The following FHIT variants were observed in gnomAD, a reference collection of about 807,000 sequenced individuals.
The protein encoded by FHIT is bis(5'-adenosyl)-triphosphatase.
FHIT carries 19 observed loss-of-function variants against 17.9 expected under a neutral mutation model. The ratio of observed to expected loss-of-function variants is 1.06; its 90% CI spans 0.74 to 1.56. The LOEUF is 1.56. Among genes scored for constraint, FHIT ranks in the 40% most tolerant of loss-of-function variants. The pLI is 0.00. For synonymous variants in FHIT, 81 were observed against 69.7 expected, an observed-to-expected ratio of 1.16 and a Z score of -0.81; for missense variants, 248 against 189.2, an observed-to-expected ratio of 1.31 and a Z score of -1.82.
At chr3:61,183,511 C>G (rs2038408299) in intron 2 of FHIT, among the ~76,000 whole-genome samples, 1 of 152,212 alleles carries the variant, frequency 6.6e-6, no homozygotes, top group Non-Finnish European at 1.5e-5. Context: ...GCTGCACTCT[C>G]TCTCTTAAAA....
chr3:60,732,684 CTTTTTTTT>C (rs3038041), intron 4 of FHIT: 12 of 178,506 alleles, frequency 6.7e-5, no homozygotes, highest in East Asian at 1.4e-4. Flanking sequence ...GCAAAGACTG[CTTTTTTTT>C]TTTTTTTTTT....
intron 5 of FHIT, among the ~76,000 whole-genome samples, chr3:60,207,974 T>C (rs1327953947): frequency 6.6e-6 from 1 of 152,184 alleles, no homozygotes; most frequent in Non-Finnish European, 1.5e-5. Context: ...AAGAGCAAAC[T>C]GCATGAGACA....
At chr3:60,410,463 T>C (rs932744482) in intron 5 of FHIT, among the ~76,000 whole-genome samples, 4 of 152,238 alleles carry the variant, frequency 2.6e-5, no homozygotes, top group Non-Finnish European at 5.9e-5. Flanking sequence ...CAAGGTTTTA[T>C]CGTGGATAAA....
In FHIT at chr3:60,354,927, G is replaced by A. The variant is rs75600213; in HGVS notation, c.103+181933C>T. The stretch of plus-strand genomic sequence containing the variant: ...ATGGACCTTTTCACTCCGGGAGTCT[G>A]TGACTACTTATCCTTAAACATTTCC... On this transcript the variant is annotated intron_variant, in intron 5 of 9. Coordinates refer to ENST00000492590, the MANE Select transcript of FHIT (RefSeq NM_002012.4). Among the ~76,000 whole-genome samples, 187 of 152,260 alleles carry A rather than the reference G, an allele frequency of 1.2e-3. 1 individual carries two copies. Among genetic ancestry groups the A allele is most frequent in the African/African-American group, 4.4e-3 (182 of 41,568 alleles).
chr3:59,907,915 AGGCCATTGATG>A (rs1704662082), intron 8 of FHIT, among the ~76,000 whole-genome samples: 1 of 152,166 alleles, frequency 6.6e-6, no homozygotes, highest in East Asian at 1.9e-4. Context: ...TCCATCTTTA[AGGCCATTGATG>A]GCCAGTTGAA....
chr3:61,242,181 A>G (rs1576285316), intron 1 of FHIT, among the ~76,000 whole-genome samples: 1 of 152,294 alleles, frequency 6.6e-6, no homozygotes, highest in East Asian at 1.9e-4. Context: ...TTTCCAAAGG[A>G]AAGGGTCTGA....
chr3:60,812,171 G>A (rs1553736246), intron 4 of FHIT, among the ~76,000 whole-genome samples: 1 of 143,762 alleles, frequency 7.0e-6, no homozygotes, highest in African/African-American at 2.5e-5. Context: ...TGGAAATACA[G>A]ACTCTTTTTT....
intron 5 of FHIT, among the ~76,000 whole-genome samples, chr3:60,029,897 C>CTGTGTGTGTGTGTGTGTG (rs71089569): frequency 4.7e-5 from 6 of 127,820 alleles, no homozygotes; most frequent in African/African-American, 2.0e-4. Flanking sequence ...GTGTGTGTGT[C>CTGTGTGTGTGTGTGTGTG]TGTGTGTGTG....
chr3:59,933,094 G>A (rs35019677), intron 7 of FHIT, among the ~76,000 whole-genome samples: 3 of 151,974 alleles, frequency 2.0e-5, no homozygotes, highest in Admixed American at 6.6e-5. Context: ...TATAATCTGG[G>A]TAACAAAGAC....
chr3:60,261,402 T>C (rs1706293996), intron 5 of FHIT, among the ~76,000 whole-genome samples: 1 of 152,016 alleles, frequency 6.6e-6, no homozygotes, highest in Non-Finnish European at 1.5e-5. Flanking sequence ...CGGTGAGTAT[T>C]AGAATCATCA....
intron 3 of FHIT, among the ~76,000 whole-genome samples, chr3:61,000,534 T>C (rs1289668495): frequency 6.6e-6 from 1 of 152,068 alleles, no homozygotes; most frequent in Non-Finnish European, 1.5e-5. Context: ...TGCTGGCTTG[T>C]TCTGAAAAAA....
intron 8 of FHIT, among the ~76,000 whole-genome samples, chr3:59,765,973 G>C (rs1046163149): frequency 6.6e-6 from 1 of 152,100 alleles, no homozygotes. Context: ...ATTCCCTAAA[G>C]ACAATAAAAA....
intron 5 of FHIT, among the ~76,000 whole-genome samples, chr3:60,063,770 T>A (rs1195214757): frequency 6.6e-6 from 1 of 152,180 alleles, no homozygotes; most frequent in African/African-American, 2.4e-5. Flanking sequence ...TATGCCAGAA[T>A]TTGTGCAAGA....
At chr3:60,779,876 T>A (rs1700328488) in intron 4 of FHIT, among the ~76,000 whole-genome samples, 2 of 152,162 alleles carry the variant, frequency 1.3e-5, no homozygotes, top group Non-Finnish European at 2.9e-5. Flanking sequence ...TTAATATCCA[T>A]GGCATAAATG....
At chr3:60,505,345 C>T (rs957495195) in intron 5 of FHIT, among the ~76,000 whole-genome samples, 2 of 152,126 alleles carry the variant, frequency 1.3e-5, no homozygotes, top group Non-Finnish European at 2.9e-5. Context: ...TACTTCCATA[C>T]CCCTAGGCTT....
chr3:61,169,493 G>A (rs1184048154), intron 2 of FHIT, among the ~76,000 whole-genome samples: 1 of 152,112 alleles, frequency 6.6e-6, no homozygotes, highest in Non-Finnish European at 1.5e-5. Flanking sequence ...CAAAAGATTA[G>A]TAAGAATTCA....
chr3:61,089,285 C>T (rs1020344510), intron 2 of FHIT, among the ~76,000 whole-genome samples: 1 of 152,118 alleles, frequency 6.6e-6, no homozygotes, highest in South Asian at 2.1e-4. Flanking sequence ...AGTTTTGTGG[C>T]ATTAAGTACA....
intron 5 of FHIT, among the ~76,000 whole-genome samples, chr3:60,217,056 G>A (rs1703728914): frequency 6.6e-6 from 1 of 152,144 alleles, no homozygotes; most frequent in African/African-American, 2.4e-5. Context: ...TTCAAGTAAT[G>A]GCTATATTAA....
At chr3:60,823,366 T>G (rs1701996822) in intron 3 of FHIT, among the ~76,000 whole-genome samples, 1 of 152,174 alleles carries the variant, frequency 6.6e-6, no homozygotes, top group African/African-American at 2.4e-5. Flanking sequence ...GAATGTGACC[T>G]TATTTGGTAA....
Sources: allele counts gnomAD v4.1 joint callset (sites outside exome capture counted in the v4.1 genomes callset), GRCh38; gene constraint gnomAD v4.1.1; transcripts MANE v1.5; gene names NCBI Gene and HGNC (gene_info 2026-07-23, HGNC 2026-07-21).